Variants in LRRC4C observed in about 807,000 individuals in gnomAD.
LRRC4C encodes the protein leucine-rich repeat-containing protein 4C.
In LRRC4C, 5 loss-of-function variants were observed where a neutral mutation model predicts 33.6. The observed-to-expected ratio is 0.15, with a 90% CI of 0.08 to 0.31. The LOEUF is 0.31. LRRC4C is among the 10% of genes least tolerant of loss of function. The pLI, the probability that LRRC4C is intolerant of heterozygous loss-of-function variation, is 1.00. For missense variants in LRRC4C, 560 were observed against 796.7 expected (o/e 0.70, Z 3.58); for synonymous variants, 329 against 302.0 (o/e 1.09, Z -0.93).
At chr11:41,405,326 C>T (rs918144708) in intron 1 of LRRC4C, among the ~76,000 whole-genome samples, 2 of 152,044 alleles carry the variant, frequency 1.3e-5, no homozygotes, top group South Asian at 2.1e-4. Flanking sequence ...TAAGTATTCC[C>T]ATCCAATTTT....
intron 2 of LRRC4C, among the ~76,000 whole-genome samples, chr11:40,774,648 G>A (rs1292243006): frequency 6.6e-6 from 1 of 151,974 alleles, no homozygotes; most frequent in Non-Finnish European, 1.5e-5. Flanking sequence ...CCATAAGCAG[G>A]TAATTTGTTG....
chr11:40,311,617 A>G (rs1945308519), intron 4 of LRRC4C, among the ~76,000 whole-genome samples: 1 of 152,166 alleles, frequency 6.6e-6, no homozygotes, highest in Non-Finnish European at 1.5e-5. Flanking sequence ...TCTGTTTTCC[A>G]AAAGGTTGCC....
At chr11:40,876,888 C>T (rs1156648126) in intron 2 of LRRC4C, among the ~76,000 whole-genome samples, 2 of 121,386 alleles carry the variant, frequency 1.6e-5, no homozygotes, top group African/African-American at 3.2e-5. Context: ...GGCAACAGAG[C>T]GAGGCTCTTT....
At chr11:40,376,373 AAC>A (rs1948659818) in intron 3 of LRRC4C, among the ~76,000 whole-genome samples, 1 of 152,130 alleles carries the variant, frequency 6.6e-6, no homozygotes, top group Non-Finnish European at 1.5e-5. Context: ...TTTATATAGA[AAC>A]ACAGAAAAGA....
At chr11:40,802,353 AC>A (rs1285667642) in intron 2 of LRRC4C, among the ~76,000 whole-genome samples, 1 of 152,148 alleles carries the variant, frequency 6.6e-6, no homozygotes, top group Non-Finnish European at 1.5e-5. Context: ...TTAAAAAAAA[AC>A]AAAACCAGTC....
At chr11:40,597,603 A>C (rs1959483705) in intron 3 of LRRC4C, among the ~76,000 whole-genome samples, 1 of 150,728 alleles carries the variant, frequency 6.6e-6, no homozygotes, top group Non-Finnish European at 1.5e-5. Flanking sequence ...GGAACATCAA[A>C]CAGGAAGGAA....
intron 3 of LRRC4C, among the ~76,000 whole-genome samples, chr11:40,467,440 A>C (rs1373131170): frequency 6.6e-6 from 1 of 152,192 alleles, no homozygotes. Context: ...TGTAATTAAC[A>C]AATGGAAAGT....
At chr11:41,140,537 C>G (rs1943457080) in intron 1 of LRRC4C, among the ~76,000 whole-genome samples, 2 of 149,648 alleles carry the variant, frequency 1.3e-5, no homozygotes, top group Admixed American at 1.3e-4. Context: ...ACAATCTTTT[C>G]TCAACAACCT....
At chr11:40,140,118 G>A (rs1412410397) in intron 6 of LRRC4C, among the ~76,000 whole-genome samples, 1 of 152,124 alleles carries the variant, frequency 6.6e-6, no homozygotes, top group African/African-American at 2.4e-5. Context: ...CATTAATTTT[G>A]TCAATTATTT....
chr11:40,544,271 A>C (rs1480174290), intron 3 of LRRC4C, among the ~76,000 whole-genome samples: 1 of 152,086 alleles, frequency 6.6e-6, no homozygotes, highest in Admixed American at 6.6e-5. Context: ...TATTTTCTGC[A>C]TAAATACAGA....
chr11:40,944,433 A>G (rs1958298051), intron 1 of LRRC4C, among the ~76,000 whole-genome samples: 1 of 152,214 alleles, frequency 6.6e-6, no homozygotes, highest in South Asian at 2.1e-4. Context: ...ACATTTTTGA[A>G]GCTCCACTGG....
chr11:40,309,745 G>C (rs1158993984), intron 4 of LRRC4C, among the ~76,000 whole-genome samples: 6 of 152,056 alleles, frequency 3.9e-5, no homozygotes, highest in African/African-American at 1.4e-4. Context: ...GAGCTTAAGC[G>C]ATCCACCTTC....
intron 1 of LRRC4C, among the ~76,000 whole-genome samples, chr11:41,004,507 C>G (rs1854597348): frequency 6.6e-6 from 1 of 152,158 alleles, no homozygotes; most frequent in Admixed American, 6.5e-5. Flanking sequence ...AAAAATGCTA[C>G]CATCTAACAC....
chr11:41,068,255 T>C (rs1488372670), intron 1 of LRRC4C, among the ~76,000 whole-genome samples: 1 of 152,080 alleles, frequency 6.6e-6, no homozygotes, highest in African/African-American at 2.4e-5. Flanking sequence ...TAGCTGGGCA[T>C]GGTGGCAAGT....
At chr11:41,220,289 G>A (rs962465974) in intron 1 of LRRC4C, among the ~76,000 whole-genome samples, 4 of 152,070 alleles carry the variant, frequency 2.6e-5, no homozygotes, top group African/African-American at 7.2e-5. Flanking sequence ...GAGGAAACAA[G>A]ACATAAGAAT....
chr11:40,826,454 G>C (rs377632850), intron 2 of LRRC4C, among the ~76,000 whole-genome samples: 2 of 151,936 alleles, frequency 1.3e-5, no homozygotes, highest in East Asian at 3.9e-4. Context: ...GTCACAGTGA[G>C]AGAGATTCTG....
intron 3 of LRRC4C, among the ~76,000 whole-genome samples, chr11:40,623,684 T>C (rs1962671660): frequency 6.6e-6 from 1 of 152,138 alleles, no homozygotes; most frequent in Non-Finnish European, 1.5e-5. Flanking sequence ...GTTCCAACAA[T>C]GTCCTGGCTG....
chr11:41,100,798 A>G (rs1941126750), intron 1 of LRRC4C, among the ~76,000 whole-genome samples: 1 of 152,128 alleles, frequency 6.6e-6, no homozygotes. Context: ...ACTACACTAC[A>G]GGGCTGCAGT....
chr11:40,122,758 T>TC (rs1855916177), intron 6 of LRRC4C, among the ~76,000 whole-genome samples: 1 of 110,648 alleles, frequency 9.0e-6, no homozygotes, highest in Non-Finnish European at 1.9e-5. Flanking sequence ...ATCTTCACCC[T>TC]CCCCCCACCC....
Sources: gnomAD v4.1 joint callset for allele counts (sites outside exome capture counted in the v4.1 genomes callset) on GRCh38, gnomAD v4.1.1 for gene constraint, MANE v1.5 for transcripts, NCBI Gene and HGNC (gene_info 2026-07-23, HGNC 2026-07-21) for gene names.